The following WDPCP variants were observed in gnomAD, a reference collection of about 807,000 sequenced individuals.
The protein encoded by WDPCP is WD repeat-containing and planar cell polarity effector protein fritz homolog.
In WDPCP, 71 loss-of-function variants were observed where a neutral mutation model predicts 93.1. That is an observed-to-expected ratio of 0.76 (90% CI 0.63 to 0.93). The LOEUF is 0.93. Ranked by LOEUF, WDPCP falls within the 40% of genes least tolerant of loss-of-function variation. WDPCP has a pLI of 0.00. For missense variants in WDPCP, 844 were observed against 887.4 expected, an observed-to-expected ratio of 0.95 and a Z score of 0.62; for synonymous variants, 315 against 315.0, an observed-to-expected ratio of 1.00 and a Z score of 0.00.
At chr2:63,504,318 A>T (rs1701730516) in intron 1 of WDPCP, among the ~76,000 whole-genome samples, 1 of 130,696 alleles carries the variant, frequency 7.7e-6, no homozygotes, top group African/African-American at 3.0e-5. Context: ...GAAATTACGT[A>T]CTAAATTGTG....
Position 63,486,548 on chromosome 2 carries a change from C to T in WDPCP, c.247G>A (p.Ala83Thr). 6.4e-7 allele frequency: 1 copy of T among 1,573,878 alleles called. No individual in the cohort carries two copies. Among genetic ancestry groups the T allele is most frequent in the South Asian group, 1.2e-5 (1 of 86,476 alleles). ...AAATATAAAGTAAGCTTACACTCTG[C>T]CAGCTTCTGCTTCTTTTCTAAGTTA... ...HGNLEKKQKL[A>T]ESRDYPWTLK... Residue 83 changes from alanine to threonine, a missense_variant, in exon 4 of 18, where the codon GCA becomes ACA. Transcript: ENST00000272321.
chr2:63,702,538 C>CAT (rs113966498), intron 2 of WDPCP, among the ~76,000 whole-genome samples: 2 of 147,174 alleles, frequency 1.4e-5, no homozygotes, highest in Non-Finnish European at 3.0e-5. Context: ...GCTACCCATT[C>CAT]TTTTTTTTTT....
chr2:63,541,936 C>A (rs190396961), intron 1 of WDPCP, among the ~76,000 whole-genome samples: 4 of 152,186 alleles, frequency 2.6e-5, no homozygotes, highest in Non-Finnish European at 4.4e-5. Flanking sequence ...AATCTAAATT[C>A]TTTATAAAGC....
chr2:63,310,820 C>T (rs1686130102), intron 13 of WDPCP, among the ~76,000 whole-genome samples: 1 of 152,144 alleles, frequency 6.6e-6, no homozygotes, highest in Non-Finnish European at 1.5e-5. Context: ...GATCACACCA[C>T]TGCATTCCAA....
intron 14 of WDPCP, among the ~76,000 whole-genome samples, chr2:63,193,382 T>C (rs17474666): frequency 0.16 from 24,193 of 152,216 alleles, 2,603 homozygotes; most frequent in Non-Finnish European, 0.21. Flanking sequence ...TATAAATAAT[T>C]AGAAGTTGTG....
intron 1 of WDPCP, among the ~76,000 whole-genome samples, chr2:63,576,279 A>C (rs1708109106): frequency 6.6e-6 from 1 of 152,010 alleles, no homozygotes; most frequent in Non-Finnish European, 1.5e-5. Flanking sequence ...CCATGTTGTG[A>C]CCTGCGCATC....
chr2:63,829,539 G>C (rs911680607), upstream of WDPCP, among the ~76,000 whole-genome samples: 1 of 151,828 alleles, frequency 6.6e-6, no homozygotes, highest in Non-Finnish European at 1.5e-5. Flanking sequence ...TCTTCTCTTT[G>C]CAATTTTTAA....
intron 3 of WDPCP, among the ~76,000 whole-genome samples, chr2:63,618,688 ATTTT>A (rs112387422): frequency 2.2e-5 from 3 of 135,564 alleles, no homozygotes; most frequent in Non-Finnish European, 1.6e-5. Context: ...TGGGATAGTA[ATTTT>A]TTTTTTTTTT....
At chr2:63,493,869 T>G (rs1701044407) in intron 1 of WDPCP, among the ~76,000 whole-genome samples, 1 of 152,192 alleles carries the variant, frequency 6.6e-6, no homozygotes, top group Non-Finnish European at 1.5e-5. Context: ...GAAAGAAATG[T>G]TCTTTCCAGT....
chr2:63,462,664 G>C (rs1487794868), intron 6 of WDPCP, among the ~76,000 whole-genome samples: 5 of 152,138 alleles, frequency 3.3e-5, no homozygotes, highest in African/African-American at 4.8e-5. Flanking sequence ...GAAAGGGATG[G>C]AGAACCTCTG....
chr2:63,428,704 A>G (rs975653350), intron 9 of WDPCP, among the ~76,000 whole-genome samples: 25 of 152,320 alleles, frequency 1.6e-4, no homozygotes, highest in African/African-American at 4.8e-4. Flanking sequence ...CTCCTGTTCA[A>G]TATAGTACTG....
chr2:63,487,451 T>C lies in WDPCP; in HGVS notation c.204A>G (p.Pro68=). ...TGCACAGAATAGGTACTTTACCTGG[T>C]GGATCTTTCTTGTCATAATACTGGT... ...GIYQYYDKKD[P]PATEHGNLEK... Residue 68 remains proline, a synonymous_variant, in exon 3 of 18, where the codon CCA becomes CCG. Transcript: ENST00000272321. The C allele has an allele frequency of 3.1e-6, 5 of 1,589,792 alleles. No homozygotes were observed. Among genetic ancestry groups the C allele is most frequent in the Admixed American group, 1.7e-5 (1 of 59,730 alleles).
chr2:63,158,778 T>C (rs1487848822), intron 15 of WDPCP, among the ~76,000 whole-genome samples: 1 of 152,070 alleles, frequency 6.6e-6, no homozygotes, highest in African/African-American at 2.4e-5. Flanking sequence ...TGATCTGTCT[T>C]CAAGTTCATT....
intron 10 of WDPCP, among the ~76,000 whole-genome samples, chr2:63,388,123 T>C (rs79074769): frequency 6.6e-6 from 1 of 151,710 alleles, no homozygotes; most frequent in African/African-American, 2.4e-5. Context: ...GAAAAAAAAA[T>C]AAACTAATTT....
intron 1 of WDPCP, among the ~76,000 whole-genome samples, chr2:63,530,052 T>G (rs1331187348): frequency 6.6e-6 from 1 of 152,232 alleles, no homozygotes; most frequent in Non-Finnish European, 1.5e-5. Flanking sequence ...GATAGCCCCT[T>G]TATCATTTTT....
At chr2:63,714,041 G>A (rs1669298560) in intron 2 of WDPCP, among the ~76,000 whole-genome samples, 2 of 149,898 alleles carry the variant, frequency 1.3e-5, no homozygotes, top group Non-Finnish European at 3.0e-5. Context: ...GAACAACTAT[G>A]TATCTTTTTT....
intron 15 of WDPCP, among the ~76,000 whole-genome samples, chr2:63,155,735 G>C (rs1672196816): frequency 6.6e-6 from 1 of 152,166 alleles, no homozygotes; most frequent in Non-Finnish European, 1.5e-5. Flanking sequence ...GAAAATGTTT[G>C]TCAACCCCTG....
chr2:63,504,073 G>A (rs1235123334), intron 1 of WDPCP, among the ~76,000 whole-genome samples: 1 of 152,006 alleles, frequency 6.6e-6, no homozygotes, highest in Non-Finnish European at 1.5e-5. Flanking sequence ...AGTAACTGCT[G>A]AAAGAAATGG....
At chr2:63,174,601 T>C in intron 15 of WDPCP, 69 bp downstream of exon 15, 2 of 1,588,652 alleles carry the variant, frequency 1.3e-6, no homozygotes, top group Non-Finnish European at 1.7e-6. Context: ...TGCTTTGCTA[T>C]TAGTTCGCAT....
Sources: allele counts gnomAD v4.1 joint callset (sites outside exome capture counted in the v4.1 genomes callset), GRCh38; gene constraint gnomAD v4.1.1; transcripts MANE v1.5; gene names NCBI Gene and HGNC (gene_info 2026-07-23, HGNC 2026-07-21).